SLC24A2: variants seen among roughly 807,000 people sequenced by gnomAD.
SLC24A2 encodes solute carrier family 24 member 2, also known as sodium/potassium/calcium exchanger 2.
A neutral mutation model predicts 62.0 loss-of-function variants in SLC24A2; 36 were observed. The ratio of observed to expected loss-of-function variants is 0.58; its 90% CI spans 0.44 to 0.77. SLC24A2 has a LOEUF of 0.77. SLC24A2 is among the 30% of genes least tolerant of loss of function. The pLI, the probability that SLC24A2 is intolerant of heterozygous loss-of-function variation, is 0.00. For missense variants in SLC24A2, 846 were observed against 817.9 expected, an observed-to-expected ratio of 1.03 and a Z score of -0.42; for synonymous variants, 358 against 294.0, an observed-to-expected ratio of 1.22 and a Z score of -2.23.
the SLC24A2 span, among the ~76,000 whole-genome samples, chr9:20,035,644 T>C: frequency 6.6e-6 from 1 of 152,030 alleles, no homozygotes; most frequent in Non-Finnish European, 1.5e-5. Context: ...GTCCCAGCTA[T>C]TCGGGAGGCT....
intron 3 of SLC24A2, among the ~76,000 whole-genome samples, chr9:19,620,675 C>T (rs1817887279): frequency 6.6e-6 from 1 of 152,164 alleles, no homozygotes; most frequent in Non-Finnish European, 1.5e-5. Context: ...TGCTGTCTCC[C>T]CGTGGTTGAT....
chr9:20,179,764 G>C, the SLC24A2 span, among the ~76,000 whole-genome samples: 1 of 152,196 alleles, frequency 6.6e-6, no homozygotes, highest in Non-Finnish European at 1.5e-5. Flanking sequence ...CTCTAGGACA[G>C]ACTGAGGGTT....
chr9:19,521,114 A>G, intron 9 of SLC24A2, 54 bp from the exon 10 acceptor site: 4 of 1,555,570 alleles, frequency 2.6e-6, no homozygotes, highest in Non-Finnish European at 3.5e-6. Flanking sequence ...CAAAATCATA[A>G]AAATCACAAA....
chr9:20,015,457 C>T, the SLC24A2 span, among the ~76,000 whole-genome samples: 4 of 152,302 alleles, frequency 2.6e-5, no homozygotes, highest in Admixed American at 2.6e-4. Context: ...AAAATCAACT[C>T]AACATGCTTG....
chr9:20,079,699 A>G, the SLC24A2 span, among the ~76,000 whole-genome samples: 1 of 152,170 alleles, frequency 6.6e-6, no homozygotes, highest in South Asian at 2.1e-4. Flanking sequence ...GCAACTGTGA[A>G]TGGGAGTTCA....
the SLC24A2 span, among the ~76,000 whole-genome samples, chr9:19,886,801 C>A: frequency 6.6e-6 from 1 of 152,074 alleles, no homozygotes; most frequent in Admixed American, 6.5e-5. Flanking sequence ...GGGAATCAAC[C>A]AAAATGCCAA....
At chr9:20,042,059 T>G in the SLC24A2 span, among the ~76,000 whole-genome samples, 1 of 152,348 alleles carries the variant, frequency 6.6e-6, no homozygotes, top group African/African-American at 2.4e-5. Flanking sequence ...GACATTTGCC[T>G]GGTACTTCCT....
At chr9:19,729,816 T>C (rs905586059) in intron 2 of SLC24A2, among the ~76,000 whole-genome samples, 1 of 152,092 alleles carries the variant, frequency 6.6e-6, no homozygotes, top group African/African-American at 2.4e-5. Flanking sequence ...AACTATAGAA[T>C]GCCTATAGTT....
chr9:20,154,038 T>A, the SLC24A2 span, among the ~76,000 whole-genome samples: 10 of 152,012 alleles, frequency 6.6e-5, 1 homozygote, highest in East Asian at 1.9e-3. Flanking sequence ...GTTCTAAATA[T>A]GGATATTTTG....
chr9:19,921,683 A>G, the SLC24A2 span, among the ~76,000 whole-genome samples: 2 of 152,108 alleles, frequency 1.3e-5, no homozygotes, highest in South Asian at 4.1e-4. Context: ...ACCTGAATGC[A>G]TTTCGGTAAA....
chr9:20,118,340 T>C, the SLC24A2 span, among the ~76,000 whole-genome samples: 1 of 152,154 alleles, frequency 6.6e-6, no homozygotes, highest in Non-Finnish European at 1.5e-5. Context: ...AAATTCATTA[T>C]ACATTTCTGA....
At chr9:20,129,962 C>CACACACACAG in the SLC24A2 span, among the ~76,000 whole-genome samples, 1 of 149,048 alleles carries the variant, frequency 6.7e-6, no homozygotes, top group Non-Finnish European at 1.5e-5. Flanking sequence ...CACACACACA[C>CACACACACAG]ACAGAGGTTA....
At chr9:19,880,106 T>G in the SLC24A2 span, among the ~76,000 whole-genome samples, 1 of 152,234 alleles carries the variant, frequency 6.6e-6, no homozygotes, top group Non-Finnish European at 1.5e-5. Flanking sequence ...TATTTCCCTA[T>G]GACTATTTAA....
the SLC24A2 span, among the ~76,000 whole-genome samples, chr9:20,001,867 T>G: frequency 6.6e-6 from 1 of 152,316 alleles, no homozygotes; most frequent in South Asian, 2.1e-4. Context: ...CCAAAATGTG[T>G]TTATTGAAAC....
chr9:19,635,193 A>T (rs1818280115), intron 2 of SLC24A2, among the ~76,000 whole-genome samples: 1 of 152,232 alleles, frequency 6.6e-6, no homozygotes, highest in African/African-American at 2.4e-5. Flanking sequence ...TATTACAGTC[A>T]GCACCAACTT....
the SLC24A2 span, among the ~76,000 whole-genome samples, chr9:20,226,815 G>C: frequency 6.6e-6 from 1 of 152,192 alleles, no homozygotes; most frequent in Non-Finnish European, 1.5e-5. Flanking sequence ...TCAATCATGA[G>C]TGTGTATTAC....
At chr9:19,890,902 C>T in the SLC24A2 span, among the ~76,000 whole-genome samples, 132 of 152,206 alleles carry the variant, frequency 8.7e-4, no homozygotes, top group African/African-American at 2.9e-3. Context: ...ATTGCTCACT[C>T]GACATTTTTT....
the SLC24A2 span, among the ~76,000 whole-genome samples, chr9:19,903,150 G>C: frequency 1.3e-5 from 2 of 151,838 alleles, no homozygotes; most frequent in East Asian, 1.9e-4. Context: ...TGGTTAGCTC[G>C]TAACAAAATA....
the SLC24A2 span, among the ~76,000 whole-genome samples, chr9:20,121,892 T>G: frequency 6.6e-6 from 1 of 152,220 alleles, no homozygotes; most frequent in Non-Finnish European, 1.5e-5. Context: ...CTTTCATCCT[T>G]ATACATCTAG....
Sources: allele counts gnomAD v4.1 joint callset (sites outside exome capture counted in the v4.1 genomes callset), GRCh38; gene constraint gnomAD v4.1.1; transcripts MANE v1.5; gene names NCBI Gene and HGNC (gene_info 2026-07-23, HGNC 2026-07-21).